Variants in TEX2 observed in about 807,000 individuals in gnomAD.
TEX2 encodes testis-expressed protein 2.
Under a neutral mutation model 106.9 loss-of-function variants are expected in TEX2, and 53 were observed. The ratio of observed to expected loss-of-function variants is 0.50; its 90% CI spans 0.40 to 0.62. The LOEUF (loss-of-function observed/expected upper bound fraction) is 0.62. Among genes scored for constraint, TEX2 ranks in the 20% least tolerant of loss-of-function variants. The probability of loss-of-function intolerance (pLI) is 0.00; values close to 1 mark genes in which losing one functional copy is unlikely to be tolerated. For synonymous variants in TEX2, 523 were observed against 534.8 expected, an observed-to-expected ratio of 0.98 and a Z score of 0.30; for missense variants, 1,207 against 1,379.0, an observed-to-expected ratio of 0.88 and a Z score of 1.98.
At chr17:64,199,587 C>G (rs1179037879) in intron 2 of TEX2, among the ~76,000 whole-genome samples, 1 of 152,124 alleles carries the variant, frequency 6.6e-6, no homozygotes, top group Non-Finnish European at 1.5e-5. Context: ...AAAGAAAAAG[C>G]AGGTAAAATT....
At chr17:64,170,520 AG>A (rs2031334964) in intron 7 of TEX2, among the ~76,000 whole-genome samples, 1 of 150,308 alleles carries the variant, frequency 6.7e-6, no homozygotes, top group Non-Finnish European at 1.5e-5. Flanking sequence ...ACAAAAGCAC[AG>A]GCCCCATCAG....
rs140346580 is a variant in TEX2 at position 64,194,958 on chromosome 17, G to A, written c.1782C>T (p.Tyr594=). ...AGGTGACCTCTGGCTTGGGTTCATTGTAGCTGGCCCTCCTGGATATATTTT... is the reference window on the plus strand; with the variant it reads ...AGGTGACCTCTGGCTTGGGTTCATTATAGCTGGCCCTCCTGGATATATTTT... ...PNKNISRRAS[Y]NEPKPEVTYI... Residue 594 remains tyrosine, a synonymous_variant, in exon 3 of 12, where the codon TAC becomes TAT. Transcript: ENST00000584379. The A allele has an allele frequency of 5.0e-6, 8 of 1,614,142 alleles. No homozygotes were observed. The highest frequency in any genetic ancestry group is 1.1e-5 in the South Asian group (1 of 91,082).
chr17:64,204,135 TAGC>T (rs2032757036), intron 2 of TEX2, among the ~76,000 whole-genome samples: 1 of 152,180 alleles, frequency 6.6e-6, no homozygotes, highest in Admixed American at 6.5e-5. Flanking sequence ...GCAAATAAAT[TAGC>T]AGCCTCTGTC....
chr17:64,148,920 C>T lies in TEX2; in HGVS notation c.*49G>A, dbSNP rs555086594. 7 of 1,610,642 alleles carry T rather than the reference C, an allele frequency of 4.3e-6. No individual in the cohort carries two copies. The highest frequency in any genetic ancestry group is 5.9e-6 in the Non-Finnish European group (7 of 1,178,434). ...CAGTACAGATGGCGGCCAAGAACCC[C>T]ACACATCCAGCTCGATGTCACAATA... On this transcript the variant is annotated 3_prime_UTR_variant, in exon 12 of 12. Transcript: ENST00000584379.
chr17:64,213,747 T>A lies in TEX2; in HGVS notation c.471A>T (p.Lys157Asn). 3 of 1,613,960 alleles carry A rather than the reference T, an allele frequency of 1.9e-6. No homozygotes were observed. Among genetic ancestry groups the A allele is most frequent in the East Asian group, 2.2e-5 (1 of 44,868 alleles). Residue 157 changes from lysine (K) to asparagine (N), a missense_variant, in exon 2 of 12, where the codon AAA (lysine) becomes AAT (asparagine). By Grantham distance (94) the Lys-to-Asn change is moderately conservative. Around this residue, in one of 3 missense-constraint regions of TEX2, gnomAD observed 1,067 missense variants for 1,193.6 expected, o/e 0.89. Coordinates refer to ENST00000584379, the MANE Select transcript of TEX2 (RefSeq NM_001288732.2). The surrounding 1 kb of genome is among the most constrained non-coding windows in gnomAD (Gnocchi z 4.4). Reference protein sequence around the residue: ...SPSVSSLSEQKTSSSSPLSSP... With the variant: ...SPSVSSLSEQNTSSSSPLSSP... ...AGGACAATGGGGAGGAAGAACTGGTTTTCTGCTCAGAAAGGGATGACACAC... is the reference window on the plus strand; with the variant it reads ...AGGACAATGGGGAGGAAGAACTGGTATTCTGCTCAGAAAGGGATGACACAC...
intron 7 of TEX2, among the ~76,000 whole-genome samples, chr17:64,166,070 T>C (rs996093267): frequency 2.0e-5 from 3 of 152,212 alleles, no homozygotes; most frequent in African/African-American, 7.2e-5. Context: ...CTGACGCTGC[T>C]GACACACCTG....
intron 4 of TEX2, among the ~76,000 whole-genome samples, chr17:64,190,588 G>C (rs1236064177): frequency 6.6e-6 from 1 of 152,126 alleles, no homozygotes; most frequent in South Asian, 2.1e-4. Flanking sequence ...CACAGGAGTC[G>C]TCACTGCACT....
intron 1 of TEX2, among the ~76,000 whole-genome samples, chr17:64,218,773 G>T (rs2033265915): frequency 6.6e-6 from 1 of 152,042 alleles, no homozygotes; most frequent in African/African-American, 2.4e-5. Flanking sequence ...TGGCCAGCGT[G>T]GAACACCAAC....
Position 64,153,794 on chromosome 17 carries a change from T to G in TEX2, c.2931-640A>C, listed in dbSNP as rs2030480557. Reference sequence around the variant, plus strand: ...AAACAAACAGAAAATTAGCCAGGAGTGGTGGTGTGCATCTGTAGTCCCAGC... The same window carrying G: ...AAACAAACAGAAAATTAGCCAGGAGGGGTGGTGTGCATCTGTAGTCCCAGC... On this transcript the variant is annotated intron_variant, in intron 9 of 11. Transcript: ENST00000584379. This position sits in a 1 kb window ranked among gnomAD's most constrained non-coding sequence, Gnocchi z 4.1. 6.6e-6 allele frequency among the ~76,000 whole-genome samples: 1 copy of G among 151,372 alleles called. No individual in the cohort carries two copies. Among genetic ancestry groups the G allele is most frequent in the Non-Finnish European group, 1.5e-5 (1 of 67,854 alleles).
At chr17:64,200,876 G>A (rs1331329637) in intron 2 of TEX2, among the ~76,000 whole-genome samples, 4 of 151,960 alleles carry the variant, frequency 2.6e-5, no homozygotes, top group African/African-American at 9.7e-5. Context: ...AGAATCACCA[G>A]CTGCTGTGGT....
At chr17:64,168,924 C>A (rs2031269663) in intron 7 of TEX2, among the ~76,000 whole-genome samples, 2 of 18,050 alleles carry the variant, frequency 1.1e-4, no homozygotes, top group East Asian at 3.0e-3. Flanking sequence ...TTTTTTGAGA[C>A]AGATTCTCGC....
intron 1 of TEX2, among the ~76,000 whole-genome samples, chr17:64,225,669 G>C (rs2033484623): frequency 6.6e-6 from 1 of 152,040 alleles, no homozygotes; most frequent in African/African-American, 2.4e-5. Flanking sequence ...AGTGTGTTGT[G>C]GCTGTGGTCA....
chr17:64,215,567 T>C (rs1467019530), intron 1 of TEX2, among the ~76,000 whole-genome samples: 3 of 152,134 alleles, frequency 2.0e-5, no homozygotes, highest in African/African-American at 7.2e-5. Context: ...GCCCAGGACA[T>C]AGGGCTTCTA....
At chr17:64,172,376 C>G (rs940752982) in intron 6 of TEX2, among the ~76,000 whole-genome samples, 4 of 151,136 alleles carry the variant, frequency 2.6e-5, no homozygotes, top group African/African-American at 9.7e-5. Context: ...AGAAAAATAG[C>G]ACATCCTTTG....
At chr17:64,161,089 C>T (rs1306894634) in intron 7 of TEX2, among the ~76,000 whole-genome samples, 156 bp from the exon 8 acceptor site, 1 of 152,102 alleles carries the variant, frequency 6.6e-6, no homozygotes, top group Non-Finnish European at 1.5e-5. Context: ...GCACATTGTG[C>T]CATCGACACA....
chr17:64,187,986 C>A (rs2032140440), intron 5 of TEX2, among the ~76,000 whole-genome samples, 182 bp downstream of exon 5: 1 of 152,236 alleles, frequency 6.6e-6, no homozygotes, highest in African/African-American at 2.4e-5. Context: ...CTTCCCACCA[C>A]CTGGTGCTTG....
intron 5 of TEX2, among the ~76,000 whole-genome samples, chr17:64,179,569 C>T (rs762057257): frequency 6.6e-6 from 1 of 152,162 alleles, no homozygotes; most frequent in Non-Finnish European, 1.5e-5. Context: ...AGACTTCATT[C>T]TTGAAGTCAG....
chr17:64,186,957 G>A (rs946515404), intron 5 of TEX2, among the ~76,000 whole-genome samples: 2 of 152,212 alleles, frequency 1.3e-5, no homozygotes, highest in African/African-American at 4.8e-5. Flanking sequence ...GAATAACCCA[G>A]CAAAATAGTC....
chr17:64,260,968 C>T (rs1044056677), intron 1 of TEX2, among the ~76,000 whole-genome samples: 3 of 152,304 alleles, frequency 2.0e-5, no homozygotes, highest in South Asian at 2.1e-4. Flanking sequence ...AGTCAACAGA[C>T]GTGAGGATTA....
Sources: allele counts gnomAD v4.1 joint callset (sites outside exome capture counted in the v4.1 genomes callset), GRCh38; gene constraint gnomAD v4.1.1; regional missense constraint gnomAD v4.1.1; non-coding constraint Gnocchi (gnomAD v3.1); transcripts MANE v1.5; gene names NCBI Gene and HGNC (gene_info 2026-07-23, HGNC 2026-07-21).